Variants in TRIM29 observed in about 807,000 individuals in gnomAD.
TRIM29 encodes the protein tripartite motif containing 29.
In TRIM29, 52 loss-of-function variants were observed where a neutral mutation model predicts 57.3. The observed-to-expected ratio is 0.91, with a 90% CI of 0.73 to 1.14. TRIM29 has a LOEUF of 1.14. Ranked by LOEUF, TRIM29 falls within the 50% of genes most tolerant of loss-of-function variation. The pLI is 0.00. For synonymous variants in TRIM29, 319 were observed against 316.9 expected (o/e 1.01, Z -0.07); for missense variants, 753 against 774.6 (o/e 0.97, Z 0.33).
intron 1 of TRIM29, among the ~76,000 whole-genome samples, chr11:120,131,704 C>T (rs924288478): frequency 1.3e-5 from 2 of 151,378 alleles, no homozygotes; most frequent in Admixed American, 6.6e-5. Context: ...TGAGTCCTAC[C>T]CTGTCGGGGG....
At chr11:120,127,619 A>G in intron 2 of TRIM29, 50 bp from the exon 3 acceptor site, 10 of 1,540,218 alleles carry the variant, frequency 6.5e-6, no homozygotes, top group Non-Finnish European at 8.9e-6. Flanking sequence ...TAGTTAGGGA[A>G]AGAAATCACC....
Position 120,115,397 on chromosome 11 carries a change from G to T in TRIM29, c.1645C>A (p.Arg549=). 1.2e-6 allele frequency: 2 copies of T among 1,613,744 alleles called. No individual in the cohort carries two copies. Among genetic ancestry groups the T allele is most frequent in the Non-Finnish European group, 1.7e-6 (2 of 1,179,898 alleles). ...GGCTGGGCCTTGGGGCTTTGGCTCC[G>T]CATGAGGGAGGGATAGCCTGGGAAG... ...FSLKGYPSLM[R]SQSPKAQPQT... Residue 549 remains arginine, a synonymous_variant, in exon 8 of 9, where the codon CGG becomes AGG. Coordinates refer to ENST00000341846, the MANE Select transcript of TRIM29 (RefSeq NM_012101.4).
intron 6 of TRIM29, among the ~76,000 whole-genome samples, chr11:120,119,680 C>G (rs1863385635): frequency 6.6e-6 from 1 of 152,160 alleles, no homozygotes; most frequent in African/African-American, 2.4e-5. Context: ...GAATCCAATT[C>G]TGGATGTAGA....
At position 120,123,274 on chromosome 11, in the gene TRIM29, C is replaced by A. The variant is rs537788558; in HGVS notation, c.1334-219G>T. 18 of 687,994 alleles carry A rather than the reference C, an allele frequency of 2.6e-5. No individual in the cohort carries two copies. The South Asian group carries it at 2.7e-4, about 10-fold the overall frequency. The allele number at this position is 687,994 out of a possible 1,614,324, so 42.6% of individuals were successfully genotyped here. ...AAGGTGTCTGCAAAGAGCCATCCACCCTCTTGAACTAAGCCCTTGTAAATA... is the reference window on the plus strand; with the variant it reads ...AAGGTGTCTGCAAAGAGCCATCCACACTCTTGAACTAAGCCCTTGTAAATA... On this transcript the variant is annotated intron_variant, in intron 4 of 8. Transcript: ENST00000341846.
intron 3 of TRIM29, among the ~76,000 whole-genome samples, chr11:120,127,113 T>A (rs1011784947): frequency 3.9e-5 from 6 of 152,228 alleles, no homozygotes; most frequent in African/African-American, 1.4e-4. Flanking sequence ...GTTTGCCATC[T>A]TGAGAGTAGG....
chr11:120,125,687 C>G lies in TRIM29; in HGVS notation c.1333+4G>C. 6.2e-7 allele frequency: 1 copy of G among 1,614,094 alleles called. No homozygotes were observed. Among genetic ancestry groups the G allele is most frequent in the Non-Finnish European group, 8.5e-7 (1 of 1,180,024 alleles). ...TTGGGGCCCAGCCACGAGAGGGGAC[C>G]TACCGTTCTCCATGTGGTTCCTCTC... is the stretch of plus-strand genomic sequence containing the variant. On this transcript the variant is annotated splice_donor_region_variant and intron_variant, in intron 4 of 8. Coordinates refer to ENST00000341846, the MANE Select transcript of TRIM29 (RefSeq NM_012101.4).
rs143776650 is a variant in TRIM29, at chr11:120,129,902, C to T, written c.805-1407G>A. Among the ~76,000 whole-genome samples the T allele has an allele frequency of 3.9e-3, 594 of 152,086 alleles. 5 individuals carry two copies. The highest frequency in any genetic ancestry group is 0.012 in the African/African-American group (504 of 41,484). On this transcript the variant is annotated intron_variant, in intron 1 of 8. Coordinates refer to ENST00000341846, the MANE Select transcript of TRIM29 (RefSeq NM_012101.4). ...TAGCATTTGCCCCACCAGCAAACGGCCGGAAATGCCATAGCATGGAAAATA... is the reference window on the plus strand; with the variant it reads ...TAGCATTTGCCCCACCAGCAAACGGTCGGAAATGCCATAGCATGGAAAATA...
intron 1 of TRIM29, chr11:120,128,895 C>A: frequency 6.9e-7 from 1 of 1,447,840 alleles, no homozygotes; most frequent in Non-Finnish European, 9.1e-7. Flanking sequence ...TCAGCCCAGC[C>A]CAGCCCAGGG....
intron 8 of TRIM29, 80 bp from the exon 9 acceptor site, chr11:120,112,556 C>T: frequency 6.7e-7 from 1 of 1,493,762 alleles, no homozygotes; most frequent in Admixed American, 1.7e-5. Context: ...CCTAACCTGC[C>T]TCAGGAGGCA....
intron 7 of TRIM29, chr11:120,117,593 A>G (rs772800603): frequency 6.4e-6 from 1 of 155,584 alleles, no homozygotes; most frequent in Non-Finnish European, 1.4e-5. Context: ...CAGGAGATAC[A>G]TGAGGGTCTG....
chr11:120,134,948 G>A (rs1863789453), intron 1 of TRIM29, among the ~76,000 whole-genome samples: 1 of 152,172 alleles, frequency 6.6e-6, no homozygotes, highest in East Asian at 1.9e-4. Flanking sequence ...TAGCCGCTCT[G>A]TGTAACTAGA....
At chr11:120,129,973 G>A (rs868266506) in intron 1 of TRIM29, among the ~76,000 whole-genome samples, 1 of 152,188 alleles carries the variant, frequency 6.6e-6, no homozygotes, top group Non-Finnish European at 1.5e-5. Context: ...TGAGGATGGA[G>A]ATTTGGCCCC....
At chr11:120,130,987 C>T (rs670855) in intron 1 of TRIM29, among the ~76,000 whole-genome samples, 70,989 of 151,968 alleles carry the variant, frequency 0.47, 16,890 homozygotes, top group African/African-American at 0.55. Flanking sequence ...GAGGTCAAGA[C>T]ACTGGGCTGA....
In TRIM29 at chr11:120,127,382, G is replaced by A. The variant is rs750526701; in HGVS notation, c.1088C>T (p.Thr363Ile). The A allele has an allele frequency of 2.5e-6, 4 of 1,614,116 alleles. No homozygotes were observed. Among genetic ancestry groups the A allele is most frequent in the Non-Finnish European group, 3.4e-6 (4 of 1,180,014 alleles). The change falls in exon 3 of 9, where the codon ACC (threonine) becomes ATC (isoleucine). Residue 363 changes from threonine to isoleucine, a missense_variant. Thr to Ile is a moderately conservative substitution (Grantham distance 89, BLOSUM62 -1). Coordinates refer to ENST00000341846, the MANE Select transcript of TRIM29 (RefSeq NM_012101.4). Reference protein sequence around the residue: ...RAKVLHEDKQTREQLHSISDS... With the variant: ...RAKVLHEDKQIREQLHSISDS... Reference sequence around the variant, plus strand: ...GCTGATGCTATGCAGCTGCTCCCGGGTCTGCTTGTCCTCATGCAGCACCTT... The same window carrying A: ...GCTGATGCTATGCAGCTGCTCCCGGATCTGCTTGTCCTCATGCAGCACCTT...
intron 1 of TRIM29, chr11:120,128,944 G>A (rs1863661493): frequency 7.4e-7 from 1 of 1,355,932 alleles, no homozygotes; most frequent in Admixed American, 2.8e-5. Context: ...CGTTTCTATG[G>A]CATGACGTAG....
chr11:120,137,082 G>A lies in TRIM29; in HGVS notation c.804+146C>T. The A allele has an allele frequency of 3.4e-6, 3 of 877,556 alleles. No individual in the cohort carries two copies. The highest frequency in any genetic ancestry group is 1.7e-6 in the Non-Finnish European group (1 of 587,338). The allele number at this position is 877,556 out of a possible 1,614,324, so 54.4% of individuals were successfully genotyped here. Reference sequence around the variant, plus strand: ...GGATTAGGGGGGACAGGGGGCATGAGGGGAAATAAATGTTTTCTAAAAGAG... The same window carrying A: ...GGATTAGGGGGGACAGGGGGCATGAAGGGAAATAAATGTTTTCTAAAAGAG... On this transcript the variant is annotated intron_variant, in intron 1 of 8. Transcript: ENST00000341846. The surrounding 1 kb of genome is among the most constrained non-coding windows in gnomAD (Gnocchi z 6.2).
intron 2 of TRIM29, 148 bp from the exon 3 acceptor site, chr11:120,127,717 A>C: frequency 1.7e-5 from 12 of 698,448 alleles, no homozygotes; most frequent in Admixed American, 3.1e-5. Context: ...CAAGAATCTC[A>C]TTCAAAGGCA....
chr11:120,134,543 G>A, intron 1 of TRIM29, among the ~76,000 whole-genome samples: 1 of 152,152 alleles, frequency 6.6e-6, no homozygotes, highest in East Asian at 1.9e-4. Flanking sequence ...TGACATTCCA[G>A]CAGAGCCAGG....
chr11:120,111,855 C>A lies in TRIM29; in HGVS notation c.*559G>T, dbSNP rs948892707. On this transcript the variant is annotated 3_prime_UTR_variant, in exon 9 of 9. Coordinates refer to ENST00000341846, the MANE Select transcript of TRIM29 (RefSeq NM_012101.4). ...GGTTTCCATCTGCAGTGGCCAAGGGCTGCAGGTTCTGCCATGCTGGGCATT... is the reference window on the plus strand; with the variant it reads ...GGTTTCCATCTGCAGTGGCCAAGGGATGCAGGTTCTGCCATGCTGGGCATT... 4 of 156,006 alleles carry A rather than the reference C, an allele frequency of 2.6e-5. No individual in the cohort carries two copies. Among genetic ancestry groups the A allele is most frequent in the African/African-American group, 4.8e-5 (2 of 41,484 alleles). The allele number at this position is 156,006 out of a possible 1,614,324, so 9.7% of individuals were successfully genotyped here.
Sources: gnomAD v4.1 joint callset for allele counts (sites outside exome capture counted in the v4.1 genomes callset) on GRCh38, gnomAD v4.1.1 for gene constraint, Gnocchi (gnomAD v3.1) non-coding constraint, MANE v1.5 for transcripts, NCBI Gene and HGNC (gene_info 2026-07-23, HGNC 2026-07-21) for gene names.